Variants in RRP12 observed in about 807,000 individuals in gnomAD.
RRP12 encodes the protein RRP12-like protein.
In RRP12, 78 loss-of-function variants were observed where a neutral mutation model predicts 157.3. That is an observed-to-expected ratio of 0.50 (90% CI 0.41 to 0.60). The LOEUF (loss-of-function observed/expected upper bound fraction) is 0.60. RRP12 is among the 20% of genes least tolerant of loss of function. The pLI, the probability that RRP12 is intolerant of heterozygous loss-of-function variation, is 0.00. For synonymous variants in RRP12, 726 were observed against 670.9 expected, an observed-to-expected ratio of 1.08 and a Z score of -1.27; for missense variants, 1,521 against 1,679.9, an observed-to-expected ratio of 0.91 and a Z score of 1.65.
chr10:97,363,761 C>A, intron 30 of RRP12, 93 bp downstream of exon 30: 1 of 1,140,618 alleles, frequency 8.8e-7, no homozygotes, highest in Non-Finnish European at 1.3e-6. Flanking sequence ...AGAAACAGGG[C>A]AGTTCCAATG....
At chr10:97,381,633 A>G in intron 11 of RRP12, 82 bp downstream of exon 11, 1 of 1,327,906 alleles carries the variant, frequency 7.5e-7, no homozygotes, top group Non-Finnish European at 1.1e-6. Context: ...CCGAGCTGGT[A>G]GCCTGGGGCC....
At chr10:97,358,902 T>G in intron 32 of RRP12, 41 bp downstream of exon 32, 2 of 1,509,186 alleles carry the variant, frequency 1.3e-6, no homozygotes, top group East Asian at 2.3e-5. Flanking sequence ...CTGGCACCTG[T>G]CCAGTGCCAG....
intron 13 of RRP12, 92 bp from the exon 14 acceptor site, chr10:97,379,862 G>C (rs1466435250): frequency 2.2e-6 from 3 of 1,340,588 alleles, no homozygotes; most frequent in Admixed American, 5.1e-5. Flanking sequence ...TGGAATTCTG[G>C]GCCTGGGTTC....
intron 6 of RRP12, among the ~76,000 whole-genome samples, 163 bp downstream of exon 6, chr10:97,390,260 C>T (rs1301353904): frequency 1.3e-5 from 2 of 152,204 alleles, no homozygotes; most frequent in East Asian, 3.9e-4. Flanking sequence ...GGAAGAGCCG[C>T]CCTGCCTTCT....
In RRP12 at chr10:97,373,659, C is replaced by A; in HGVS notation, c.1942G>T (p.Gly648Cys). The change falls in exon 17 of 34, where the codon GGC becomes TGC. Residue 648 changes from glycine (G) to cysteine (C), a missense_variant. Transcript: ENST00000370992. ...ISFKGLARTL[G>C]MAISERPDLR... ...TCTGGACGCTCGCTGATGGCCATGC[C>A]CAGCGTCCGTGCCAGCCCTTTGAAG... The A allele has an allele frequency of 6.2e-7, 1 of 1,613,894 alleles. No individual in the cohort carries two copies. Among genetic ancestry groups the A allele is most frequent in the Non-Finnish European group, 8.5e-7 (1 of 1,179,924 alleles).
chr10:97,374,106 C>A (rs1433759217), intron 15 of RRP12, among the ~76,000 whole-genome samples: 2 of 152,206 alleles, frequency 1.3e-5, no homozygotes, highest in African/African-American at 4.8e-5. Flanking sequence ...TCTTACTCCC[C>A]CAGAGATAGC....
intron 30 of RRP12, among the ~76,000 whole-genome samples, 180 bp from the exon 31 acceptor site, chr10:97,360,798 C>T (rs1490323649): frequency 1.3e-5 from 2 of 152,162 alleles, no homozygotes; most frequent in African/African-American, 4.8e-5. Flanking sequence ...TGTCCAAGAT[C>T]ACAAAGCCAG....
chr10:97,401,157 G>A lies in RRP12; in HGVS notation c.75C>T (p.Asp25=). 1 of 1,614,166 alleles carries A rather than the reference G, an allele frequency of 6.2e-7. No homozygotes were observed. The highest frequency in any genetic ancestry group is 1.1e-5 in the South Asian group (1 of 91,088). The stretch of plus-strand genomic sequence containing the variant: ...GGTGGCGGCAGATGGCGGGGTTGCT[G>A]TCGCTGCTGTGGCCTTTCTTCCAGC... ...LKRWKKGHSS[D]SNPAICRHRQ... The change falls in exon 1 of 34, where the codon GAC becomes GAT. Residue 25 remains aspartate (D), a synonymous_variant. Coordinates refer to ENST00000370992, the MANE Select transcript of RRP12 (RefSeq NM_015179.4).
intron 2 of RRP12, among the ~76,000 whole-genome samples, chr10:97,399,077 C>A (rs553841447): frequency 2.6e-5 from 4 of 152,136 alleles, no homozygotes; most frequent in African/African-American, 9.6e-5. Context: ...AGTTTGAGAC[C>A]AGCCTGACCA....
At position 97,356,983 on chromosome 10, in the gene RRP12, C is replaced by T. The variant is rs1843726109; in HGVS notation, c.*111G>A. On this transcript the variant is annotated 3_prime_UTR_variant, in exon 34 of 34. Transcript: ENST00000370992. ...GAGCCAAGCCCTAGTTCCAAGTCAT[C>T]CTGAGTCCAGGCTCTGCCAGAATCT... The T allele has an allele frequency of 1.6e-6, 1 of 643,604 alleles. No homozygotes were observed. Among genetic ancestry groups the T allele is most frequent in the African/African-American group, 1.9e-5 (1 of 53,826 alleles). 39.9% of individuals were successfully genotyped at this position (643,604 alleles called of 1,614,324 possible).
At chr10:97,393,324 C>CT (rs1241049458) in intron 4 of RRP12, 2 of 448,130 alleles carry the variant, frequency 4.5e-6, no homozygotes, top group Non-Finnish European at 8.8e-6. Flanking sequence ...ACTGCAGGCC[C>CT]TATAGACATG....
At chr10:97,358,793 G>T (rs1243669233) in intron 32 of RRP12, 150 bp downstream of exon 32, 2 of 797,242 alleles carry the variant, frequency 2.5e-6, no homozygotes, top group East Asian at 5.0e-5. Context: ...ATGCCACAAG[G>T]TCTTAGCATC....
chr10:97,400,214 T>C, intron 2 of RRP12, 91 bp downstream of exon 2: 1 of 906,194 alleles, frequency 1.1e-6, no homozygotes. Flanking sequence ...TACCAGCTGT[T>C]GTCATCGGAG....
intron 15 of RRP12, among the ~76,000 whole-genome samples, chr10:97,378,356 T>C (rs901704054): frequency 6.6e-6 from 1 of 152,210 alleles, no homozygotes; most frequent in Admixed American, 6.5e-5. Flanking sequence ...TGGTATAGTC[T>C]ATTGCTCCTA....
chr10:97,400,258 T>C (rs1845102464), intron 2 of RRP12, 47 bp downstream of exon 2: 1 of 1,403,030 alleles, frequency 7.1e-7, no homozygotes, highest in South Asian at 1.2e-5. Context: ...AAGGCATGAG[T>C]TGGCCTCTCC....
At position 97,400,491 on chromosome 10, in the gene RRP12, C is replaced by T. The variant is rs1391149738; in HGVS notation, c.183G>A (p.Glu61=). The change falls in exon 2 of 34, where the codon GAG becomes GAA. Residue 61 remains glutamate (E), a synonymous_variant. Transcript: ENST00000370992. The part of the protein sequence containing the change: ...LTVDAVKLHN[E]LQSGSLRLGK... ...CCAAGCGCAAGGACCCTGACTGCAG[C>T]TCATTATGTAACTTCACAGCATCGA... 21 of 1,613,984 alleles carry T rather than the reference C, an allele frequency of 1.3e-5. No homozygotes were observed. The highest frequency in any genetic ancestry group is 2.7e-5 in the African/African-American group (2 of 74,922).
At chr10:97,385,659 A>C (rs1021089476) in intron 9 of RRP12, among the ~76,000 whole-genome samples, 1 of 152,156 alleles carries the variant, frequency 6.6e-6, no homozygotes, top group Non-Finnish European at 1.5e-5. Context: ...CCATGCTGAA[A>C]CAGTTCATTA....
intron 9 of RRP12, 72 bp from the exon 10 acceptor site, chr10:97,385,329 A>C: frequency 8.6e-7 from 1 of 1,166,920 alleles, no homozygotes; most frequent in East Asian, 2.3e-5. Flanking sequence ...ACCCCTTCCC[A>C]TCCTGGCACC....
intron 30 of RRP12, 96 bp downstream of exon 30, chr10:97,363,758 G>T: frequency 8.9e-7 from 1 of 1,124,662 alleles, no homozygotes; most frequent in South Asian, 1.2e-5. Context: ...TCCAGAAACA[G>T]GGCAGTTCCA....
Sources: allele counts gnomAD v4.1 joint callset (sites outside exome capture counted in the v4.1 genomes callset), GRCh38; gene constraint gnomAD v4.1.1; transcripts MANE v1.5; gene names NCBI Gene and HGNC (gene_info 2026-07-23, HGNC 2026-07-21).